MYO15B: variants seen among roughly 807,000 people sequenced by gnomAD.
MYO15B encodes the protein myosin XVB pseudogene.
In MYO15B, 207 loss-of-function variants were observed where a neutral mutation model predicts 119.3. The observed-to-expected ratio is 1.73, with a 90% confidence interval of 1.55 to 1.95. MYO15B has a LOEUF of 1.95. Ranked by LOEUF, MYO15B falls within the 30% of genes most tolerant of loss-of-function variation. The probability of loss-of-function intolerance (pLI) is 0.00; values close to 1 mark genes in which losing one functional copy is unlikely to be tolerated. For missense variants in MYO15B, 2,264 were observed against 1,203.1 expected (o/e 1.88, Z -13.04); for synonymous variants, 966 against 498.9 (o/e 1.94, Z -12.48).
chr17:75,623,891 G>C (rs2058854266), intron 54 of MYO15B, 37 bp downstream of exon 54: 1 of 702,780 alleles, frequency 1.4e-6, no homozygotes. Flanking sequence ...GGTGGCTTCT[G>C]GGGGCAGCTG....
chr17:75,596,227 C>T lies in MYO15B; in HGVS notation c.3298-233C>T, dbSNP rs113187441. Among the ~76,000 whole-genome samples, 1,052 of 152,308 alleles carry T rather than the reference C, an allele frequency of 6.9e-3. 6 individuals are homozygous for T. Among genetic ancestry groups the T allele is most frequent in the African/African-American group, 0.015 (609 of 41,562 alleles). ...GGCCGTGACAAGAGGCCCAAAGGCT[C>T]GCAGGAGTGCTGCAGCAGAGGGCAG... On this transcript the variant is annotated intron_variant, in intron 12 of 63. Transcript: ENST00000645453.
chr17:75,623,834 G>A, exon 54 of MYO15B: 1 of 700,374 alleles, frequency 1.4e-6, no homozygotes, highest in Non-Finnish European at 2.6e-6. Flanking sequence ...TTATCAAGCA[G>A]GTCACGGGAC....
intron 23 of MYO15B, 109 bp from the exon 24 acceptor site, chr17:75,611,492 C>T (rs990398990): frequency 4.0e-5 from 25 of 621,400 alleles, no homozygotes; most frequent in Middle Eastern, 2.9e-4. Context: ...AAAAAAAATC[C>T]GTGGTCTTTG....
At chr17:75,591,126 G>T in intron 3 of MYO15B, 46 bp from the exon 4 acceptor site, 1 of 702,498 alleles carries the variant, frequency 1.4e-6, no homozygotes, top group Non-Finnish European at 2.6e-6. Flanking sequence ...CTACACCTCG[G>T]AGGGTCCCAG....
rs2056322484 is a variant in MYO15B at position 75,589,805 on chromosome 17, G to A, written c.1748G>A (p.Gly583Glu). The change falls in exon 1 of 64, where the codon GGG becomes GAG. Residue 583 changes from glycine (G) to glutamate (E), a missense_variant. Gly to Glu is a moderately conservative substitution (Grantham distance 98). Transcript: ENST00000645453. This position sits in a 1 kb window ranked among gnomAD's most constrained non-coding sequence, Gnocchi z 4.2. The stretch of plus-strand genomic sequence containing the variant: ...CGAGGTTGGCCTCGTGCAGGGGTGG[G>A]GGGGCACAGTGAGGGGTGCAGGACG... 1 of 398,596 alleles carries A rather than the reference G, an allele frequency of 2.5e-6. No individual in the cohort carries two copies. Among genetic ancestry groups the A allele is most frequent in the Non-Finnish European group, 4.4e-6 (1 of 226,008 alleles). 24.7% of individuals were successfully genotyped at this position (398,596 alleles called of 1,614,324 possible). A position where few individuals can be genotyped will look rare whatever the true frequency, so the allele number is the denominator to read the frequency against.
rs1486718749 is a variant in MYO15B at position 75,589,555 on chromosome 17, C to T, written c.1498C>T (p.Arg500Cys). The T allele has an allele frequency of 1.5e-5, 6 of 398,732 alleles. No homozygotes were observed. Among genetic ancestry groups the T allele is most frequent in the Admixed American group, 8.8e-5 (2 of 22,726 alleles). The allele number at this position is 398,732 out of a possible 1,614,324, so 24.7% of individuals were successfully genotyped here. The stretch of plus-strand genomic sequence containing the variant: ...CGGGCTGCGGCACCGTCTAGCGTTG[C>T]GCCTGGCTGGCTTAGCAGGGCTGGG... The change falls in exon 1 of 64, where the codon CGC becomes TGC. Residue 500 changes from arginine to cysteine, a missense_variant. Physicochemically the swap from Arg to Cys is radical, Grantham distance 180. Transcript: ENST00000645453. The surrounding 1 kb of genome is among the most constrained non-coding windows in gnomAD (Gnocchi z 4.2).
At chr17:75,616,661 G>C in exon 39 of MYO15B, 1 of 702,974 alleles carries the variant, frequency 1.4e-6, no homozygotes, top group South Asian at 1.5e-5. Context: ...CCAAGGCAGG[G>C]GGACTGTGGT....
exon 36 of MYO15B, chr17:75,615,819 A>G: frequency 2.8e-6 from 2 of 702,612 alleles, no homozygotes; most frequent in South Asian, 3.0e-5. Flanking sequence ...CTCCAAGCCC[A>G]GGAAGCCCCC....
rs1288719890 is a variant in MYO15B at position 75,591,797 on chromosome 17, ATCTT to A, written c.2547+89_2547+92del. The A allele has an allele frequency of 5.8e-6, 4 of 694,082 alleles. No individual in the cohort carries two copies. The East Asian group carries it at 1.1e-4, about 19-fold the overall frequency. 43.0% of individuals were successfully genotyped at this position (694,082 alleles called of 1,614,324 possible). On this transcript the variant is annotated intron_variant, in intron 5 of 63. Coordinates refer to ENST00000645453, the Ensembl canonical transcript of MYO15B. ...GACAGCTGACCATGTCCAAGGGACTATCTTTCTCCTTTCAGCCAGGAGAGGGGTG... is the reference window on the plus strand; with the variant it reads ...GACAGCTGACCATGTCCAAGGGACTATCTCCTTTCAGCCAGGAGAGGGGTG...
chr17:75,598,542 A>G (rs1488614671), intron 14 of MYO15B, among the ~76,000 whole-genome samples: 2 of 150,342 alleles, frequency 1.3e-5, no homozygotes, highest in East Asian at 3.9e-4. Context: ...AAAAAAAAAA[A>G]AAAAGAAAAT....
At chr17:75,588,279 C>T (rs1275939267) in exon 1 of MYO15B, 3 of 398,176 alleles carry the variant, frequency 7.5e-6, no homozygotes, top group South Asian at 2.5e-4. Flanking sequence ...CAGAGGGGAA[C>T]GGCGGCTGCA....
At chr17:75,610,183 G>A (rs756173559) in exon 22 of MYO15B, 15 of 700,766 alleles carry the variant, frequency 2.1e-5, no homozygotes, top group Middle Eastern at 2.3e-4. Flanking sequence ...TACCTCCGGC[G>A]GCGGGCAGCT....
Position 75,617,543 on chromosome 17 carries a change from C to T in MYO15B, c.6814+239C>T. 6.5e-6 allele frequency: 3 copies of T among 462,456 alleles called. No individual in the cohort carries two copies. In the South Asian group the frequency reaches 8.0e-5, roughly 12 times the overall value. 28.6% of individuals were successfully genotyped at this position (462,456 alleles called of 1,614,324 possible). A position where few individuals can be genotyped will look rare whatever the true frequency, so the allele number is the denominator to read the frequency against. ...GGCTGTCACACACAGGGTGTTGTCC[C>T]TGACACATACCCGACAGCTCTGTGA... is the stretch of plus-strand genomic sequence containing the variant. On this transcript the variant is annotated intron_variant, in intron 41 of 63. Transcript: ENST00000645453.
chr17:75,624,590 G>A (rs777446863), exon 58 of MYO15B: 9 of 702,836 alleles, frequency 1.3e-5, no homozygotes, highest in East Asian at 2.7e-5. Context: ...TGGGTATCAC[G>A]GAGCCTCAGG....
rs2056308648 is a variant in MYO15B at position 75,589,578 on chromosome 17, G to C, written c.1521G>C (p.Leu507=). The C allele has an allele frequency of 2.5e-6, 1 of 398,876 alleles. No individual in the cohort carries two copies. Among genetic ancestry groups the C allele is most frequent in the Non-Finnish European group, 4.4e-6 (1 of 226,154 alleles). 24.7% of individuals were successfully genotyped at this position (398,876 alleles called of 1,614,324 possible). The change falls in exon 1 of 64, where the codon CTG becomes CTC. Residue 507 remains leucine (L), a synonymous_variant. Transcript: ENST00000645453. The surrounding 1 kb of genome is among the most constrained non-coding windows in gnomAD (Gnocchi z 4.2). ...TGCGCCTGGCTGGCTTAGCAGGGCT[G>C]GGGGGTATGCCGAGGGCTTCCCCTG... is the stretch of plus-strand genomic sequence containing the variant.
intron 44 of MYO15B, 48 bp from the exon 45 acceptor site, chr17:75,619,310 G>C: frequency 1.4e-6 from 1 of 702,348 alleles, no homozygotes; most frequent in Non-Finnish European, 2.6e-6. Context: ...AAACTCTAGA[G>C]CCCCCTCTGT....
intron 21 of MYO15B, among the ~76,000 whole-genome samples, chr17:75,607,430 TA>T (rs58074353): frequency 0.049 from 3,940 of 81,118 alleles, 194 homozygotes; most frequent in African/African-American, 0.16. Context: ...GGTTAATAAT[TA>T]ATTATTATTA....
chr17:75,621,305 G>T lies in MYO15B; in HGVS notation c.7872-40G>T, dbSNP rs3743997. The T allele has an allele frequency of 4.4e-6, 3 of 683,684 alleles. No homozygotes were observed. In the East Asian group the frequency reaches 8.1e-5, roughly 19 times the overall value. The allele number at this position is 683,684 out of a possible 1,614,324, so 42.4% of individuals were successfully genotyped here. On this transcript the variant is annotated intron_variant, in intron 50 of 63. Coordinates refer to ENST00000645453, the Ensembl canonical transcript of MYO15B. ...CTGGCTGGCTGGGATGAAGGCAGGA[G>T]GGCCAAACAAGCTGGGCTGTCTCCC...
intron 21 of MYO15B, among the ~76,000 whole-genome samples, chr17:75,609,485 A>ATT (rs749247022): frequency 0.052 from 4,085 of 77,932 alleles, 131 homozygotes; most frequent in African/African-American, 0.099. Flanking sequence ...AAGGGAAATG[A>ATT]TTTTTTTTTT....
Sources: allele counts gnomAD v4.1 joint callset (sites outside exome capture counted in the v4.1 genomes callset), GRCh38; gene constraint gnomAD v4.1.1; non-coding constraint Gnocchi (gnomAD v3.1); transcripts MANE v1.5; gene names NCBI Gene and HGNC (gene_info 2026-07-23, HGNC 2026-07-21).